The following FOXP2 variants were observed in gnomAD, a reference collection of about 807,000 sequenced individuals.
The protein encoded by FOXP2 is forkhead box protein P2.
In FOXP2, 12 loss-of-function variants were observed where a neutral mutation model predicts 115.8. The observed-to-expected ratio is 0.10, with a 90% CI of 0.07 to 0.17. The LOEUF (loss-of-function observed/expected upper bound fraction) is 0.17. Among genes scored for constraint, FOXP2 ranks in the 10% least tolerant of loss-of-function variants. The probability of loss-of-function intolerance (pLI) is 1.00; values close to 1 mark genes in which losing one functional copy is unlikely to be tolerated. For missense variants in FOXP2, 629 were observed against 843.5 expected, an observed-to-expected ratio of 0.75 and a Z score of 3.15; for synonymous variants, 328 against 297.7, an observed-to-expected ratio of 1.10 and a Z score of -1.05.
Position 114,270,554 on chromosome 7 carries a change from C to A in FOXP2, c.-101-17465C>A, listed in dbSNP as rs1003235558. On this transcript the variant is annotated intron_variant, in intron 1 of 17. Coordinates refer to the FOXP2 transcript ENST00000634411. The stretch of plus-strand genomic sequence containing the variant: ...TGGTATCTGATTATTTGGCATTTCC[C>A]TGATGACATAGGTTGTTAAGCATGT... Among the ~76,000 whole-genome samples the A allele has an allele frequency of 3.9e-5, 6 of 152,246 alleles. No individual in the cohort carries two copies. The East Asian group carries it at 9.6e-4, about 24-fold the overall frequency.
intron 2 of FOXP2, among the ~76,000 whole-genome samples, chr7:114,427,290 A>G (rs1471414700): frequency 6.6e-6 from 1 of 151,640 alleles, no homozygotes; most frequent in East Asian, 1.9e-4. Flanking sequence ...GTCTCATAAA[A>G]TGCAATATTC....
intron 1 of FOXP2, among the ~76,000 whole-genome samples, chr7:114,230,652 C>T (rs952032853): frequency 6.6e-6 from 1 of 151,768 alleles, no homozygotes; most frequent in African/African-American, 2.4e-5. Context: ...GCAGAAAAAC[C>T]ATTTCACAAA....
At chr7:114,529,662 A>C (rs1799042902) in intron 2 of FOXP2, among the ~76,000 whole-genome samples, 1 of 151,862 alleles carries the variant, frequency 6.6e-6, no homozygotes, top group South Asian at 2.1e-4. Context: ...CTTTTAAAAC[A>C]AACAGTCTAA....
chr7:114,479,944 G>T (rs1282219635), intron 2 of FOXP2, among the ~76,000 whole-genome samples: 2 of 151,336 alleles, frequency 1.3e-5, no homozygotes, highest in Non-Finnish European at 3.0e-5. Context: ...AAATTCTGTT[G>T]TGTACTCCTA....
chr7:114,591,524 A>G (rs1802437106), intron 3 of FOXP2, among the ~76,000 whole-genome samples: 2 of 152,020 alleles, frequency 1.3e-5, no homozygotes, highest in African/African-American at 2.4e-5. Context: ...TGGAAGCTAT[A>G]TAGCTTCCAT....
intron 3 of FOXP2, among the ~76,000 whole-genome samples, chr7:114,591,119 G>T (rs1802416761): frequency 1.3e-5 from 2 of 152,008 alleles, no homozygotes; most frequent in South Asian, 4.2e-4. Context: ...CTATTTTCCT[G>T]ATTACAGTAG....
At chr7:114,564,223 C>G (rs996360594) in intron 3 of FOXP2, among the ~76,000 whole-genome samples, 4 of 133,740 alleles carry the variant, frequency 3.0e-5, no homozygotes, top group Admixed American at 8.1e-5. Context: ...AATCCTAAAC[C>G]TTTTGCATTC....
chr7:114,235,613 A>G (rs1794989344), intron 1 of FOXP2, among the ~76,000 whole-genome samples: 1 of 152,192 alleles, frequency 6.6e-6, no homozygotes, highest in Admixed American at 6.5e-5. Context: ...TTTGCTTTGA[A>G]GATAATTTCC....
chr7:114,627,333 G>A (rs1180674524), intron 3 of FOXP2, among the ~76,000 whole-genome samples: 1 of 151,954 alleles, frequency 6.6e-6, no homozygotes, highest in Non-Finnish European at 1.5e-5. Context: ...TTCTAAAACA[G>A]TATTTATATA....
chr7:114,481,654 T>C (rs982562420), intron 2 of FOXP2, among the ~76,000 whole-genome samples: 7 of 151,308 alleles, frequency 4.6e-5, no homozygotes, highest in African/African-American at 1.7e-4. Flanking sequence ...TCTACCTTTA[T>C]TGAAGGTAGG....
At chr7:114,169,308 G>A (rs561381519) in intron 1 of FOXP2, among the ~76,000 whole-genome samples, 24 of 152,314 alleles carry the variant, frequency 1.6e-4, no homozygotes, top group African/African-American at 5.3e-4. Context: ...AAAGCCACAG[G>A]GGCAGAGCTG....
chr7:114,227,260 G>A (rs763545477), intron 1 of FOXP2, among the ~76,000 whole-genome samples: 1 of 151,936 alleles, frequency 6.6e-6, no homozygotes, highest in South Asian at 2.1e-4. Flanking sequence ...AAGAGTTTGT[G>A]GCCTGACTTT....
At chr7:114,688,369 G>C (rs1808486741) in intron 16 of FOXP2, among the ~76,000 whole-genome samples, 1 of 151,572 alleles carries the variant, frequency 6.6e-6, no homozygotes, top group Admixed American at 6.6e-5. Context: ...AAAACCTAGA[G>C]TTTCCCAATA....
chr7:114,143,012 G>A (rs140852947), intron 1 of FOXP2, among the ~76,000 whole-genome samples: 188 of 151,878 alleles, frequency 1.2e-3, no homozygotes, highest in African/African-American at 4.4e-3. Flanking sequence ...GTCAGGCATG[G>A]TGGCATGCAC....
At chr7:114,342,160 G>C (rs1791233451) in intron 2 of FOXP2, among the ~76,000 whole-genome samples, 1 of 151,096 alleles carries the variant, frequency 6.6e-6, no homozygotes, top group African/African-American at 2.4e-5. Flanking sequence ...TCTTGAACTT[G>C]GAAAGACCAA....
At chr7:114,392,549 A>T (rs926045451) in intron 2 of FOXP2, among the ~76,000 whole-genome samples, 4 of 152,192 alleles carry the variant, frequency 2.6e-5, no homozygotes, top group Admixed American at 6.5e-5. Context: ...ATCAACTGGG[A>T]TAGTAAATAA....
At chr7:114,092,141 A>G (rs1799554946) in intron 1 of FOXP2, among the ~76,000 whole-genome samples, 1 of 152,012 alleles carries the variant, frequency 6.6e-6, no homozygotes, top group East Asian at 1.9e-4. Flanking sequence ...AGATCTCAGC[A>G]TTTTTTTAGT....
intron 2 of FOXP2, among the ~76,000 whole-genome samples, chr7:114,335,544 T>C (rs1442739870): frequency 6.6e-6 from 1 of 151,906 alleles, no homozygotes; most frequent in Non-Finnish European, 1.5e-5. Flanking sequence ...TAACGCTGTA[T>C]CATACATGAG....
chr7:114,212,712 TAA>T (rs2129162076), intron 1 of FOXP2, among the ~76,000 whole-genome samples: 1 of 152,250 alleles, frequency 6.6e-6, no homozygotes, highest in South Asian at 2.1e-4. Flanking sequence ...TTAGAATACA[TAA>T]AACACAAGAT....
Sources: gnomAD v4.1 joint callset for allele counts (sites outside exome capture counted in the v4.1 genomes callset) on GRCh38, gnomAD v4.1.1 for gene constraint, MANE v1.5 for transcripts, NCBI Gene and HGNC (gene_info 2026-07-23, HGNC 2026-07-21) for gene names.